Variants in NR1H4 observed in about 807,000 individuals in gnomAD.
NR1H4 encodes nuclear receptor subfamily 1 group H member 4, also known as bile acid receptor.
Under a neutral mutation model 58.5 loss-of-function variants are expected in NR1H4, and 23 were observed. The observed-to-expected ratio is 0.39, with a 90% CI of 0.28 to 0.56. The LOEUF is 0.56. Ranked by LOEUF, NR1H4 falls within the 20% of genes least tolerant of loss-of-function variation. The pLI is 0.58. For synonymous variants in NR1H4, 214 were observed against 198.0 expected (o/e 1.08, Z -0.68); for missense variants, 487 against 576.9 (o/e 0.84, Z 1.60).
chr12:100,499,766 T>C, intron 3 of NR1H4: 2 of 431,080 alleles, frequency 4.6e-6, no homozygotes, highest in South Asian at 3.3e-5. Context: ...AAAATAATTG[T>C]AATGATAACA....
At chr12:100,517,559 T>A (rs1488620417) in intron 4 of NR1H4, among the ~76,000 whole-genome samples, 3 of 152,220 alleles carry the variant, frequency 2.0e-5, no homozygotes, top group African/African-American at 7.2e-5. Context: ...GTGGTGGGAT[T>A]CCTGGATTAT....
At chr12:100,550,939 A>G (rs79244210) in intron 9 of NR1H4, among the ~76,000 whole-genome samples, 5,638 of 152,282 alleles carry the variant, frequency 0.037, 360 homozygotes, top group East Asian at 0.3. Context: ...TATTTATAAA[A>G]TATCCTATTT....
chr12:100,540,667 C>G lies in NR1H4; in HGVS notation c.932-5C>G. 1 of 1,613,898 alleles carries G rather than the reference C, an allele frequency of 6.2e-7. No individual in the cohort carries two copies. The highest frequency in any genetic ancestry group is 2.2e-5 in the East Asian group (1 of 44,874). ...GATACCAATTTGATTATCATCATTA[C>G]CTAGGATTTCAGACTTTGGACCATG... is the stretch of plus-strand genomic sequence containing the variant. On this transcript the variant is annotated splice_polypyrimidine_tract_variant and splice_region_variant and intron_variant, in intron 8 of 10. Transcript: ENST00000392986.
At chr12:100,545,641 C>CAAAAAAAAAAAAAAAA (rs35404680) in intron 9 of NR1H4, among the ~76,000 whole-genome samples, 3 of 7,880 alleles carry the variant, frequency 3.8e-4, no homozygotes, top group African/African-American at 1.6e-3. Flanking sequence ...GACCTTGTCT[C>CAAAAAAAAAAAAAAAA]AAAAAAAAAA....
At chr12:100,554,457 A>G (rs544251185) in intron 9 of NR1H4, among the ~76,000 whole-genome samples, 1 of 152,150 alleles carries the variant, frequency 6.6e-6, no homozygotes, top group Non-Finnish European at 1.5e-5. Context: ...TACGACTAGA[A>G]AGCTAATTAG....
intron 4 of NR1H4, among the ~76,000 whole-genome samples, chr12:100,513,882 A>G (rs2373354): frequency 0.037 from 5,590 of 151,716 alleles, 376 homozygotes; most frequent in East Asian, 0.29. Context: ...AAAATAAAGT[A>G]GTTTCCAAAT....
At chr12:100,511,229 C>T in intron 4 of NR1H4, 86 bp downstream of exon 4, 1 of 1,566,432 alleles carries the variant, frequency 6.4e-7, no homozygotes, top group Non-Finnish European at 8.8e-7. Context: ...TTCCCTTTTC[C>T]CAGGCAACTT....
chr12:100,539,228 T>G (rs1954881767), intron 8 of NR1H4, among the ~76,000 whole-genome samples: 1 of 151,556 alleles, frequency 6.6e-6, no homozygotes, highest in Non-Finnish European at 1.5e-5. Context: ...TGGAAAGAAA[T>G]AAAAGGCAAA....
intron 6 of NR1H4, among the ~76,000 whole-genome samples, chr12:100,535,296 T>C (rs1954790148): frequency 6.6e-6 from 1 of 152,252 alleles, no homozygotes; most frequent in Non-Finnish European, 1.5e-5. Context: ...GTGTATAAAA[T>C]GGATTTTTTC....
At chr12:100,523,242 G>A (rs145264279) in intron 4 of NR1H4, among the ~76,000 whole-genome samples, 389 of 152,130 alleles carry the variant, frequency 2.6e-3, no homozygotes, top group African/African-American at 9.0e-3. Context: ...TTAAAAATGG[G>A]CATTCTTGCA....
chr12:100,525,613 T>C (rs548050253), intron 4 of NR1H4, among the ~76,000 whole-genome samples: 1 of 152,246 alleles, frequency 6.6e-6, no homozygotes, highest in South Asian at 2.1e-4. Context: ...TACAAAGTCT[T>C]TGTATAGTTT....
chr12:100,519,512 G>A (rs1192769019), intron 4 of NR1H4, among the ~76,000 whole-genome samples: 3 of 152,142 alleles, frequency 2.0e-5, no homozygotes, highest in African/African-American at 4.8e-5. Context: ...CTTCCATCAC[G>A]TCTGGCCCTG....
intron 9 of NR1H4, among the ~76,000 whole-genome samples, chr12:100,557,098 C>G (rs1179477175): frequency 6.6e-6 from 1 of 152,044 alleles, no homozygotes; most frequent in Non-Finnish European, 1.5e-5. Context: ...GTCTGTTTTG[C>G]ATTGCTATAA....
chr12:100,503,087 A>G (rs528742213), intron 3 of NR1H4, among the ~76,000 whole-genome samples: 2 of 152,238 alleles, frequency 1.3e-5, no homozygotes, highest in Non-Finnish European at 2.9e-5. Flanking sequence ...CCATTCTGCC[A>G]CCTTTTGATG....
chr12:100,543,947 G>A (rs1954998319), intron 9 of NR1H4, among the ~76,000 whole-genome samples: 1 of 152,062 alleles, frequency 6.6e-6, no homozygotes, highest in Non-Finnish European at 1.5e-5. Flanking sequence ...CTGTGGCGGT[G>A]CTCCCTTTAA....
intron 1 of NR1H4, among the ~76,000 whole-genome samples, chr12:100,482,788 C>G (rs957368629): frequency 7.2e-5 from 11 of 152,126 alleles, no homozygotes; most frequent in Non-Finnish European, 1.5e-4. Flanking sequence ...GTTCCTGGTC[C>G]TGGAAGCCTC....
At chr12:100,556,489 CA>C (rs1313337505) in intron 9 of NR1H4, among the ~76,000 whole-genome samples, 1 of 142,224 alleles carries the variant, frequency 7.0e-6, no homozygotes, top group Non-Finnish European at 1.6e-5. Context: ...AAACAAAAAA[CA>C]AAAAACAACT....
intron 1 of NR1H4, among the ~76,000 whole-genome samples, chr12:100,481,817 G>A (rs1310815773): frequency 2.0e-5 from 3 of 152,152 alleles, no homozygotes; most frequent in Admixed American, 6.5e-5. Flanking sequence ...GGGAGGCTGA[G>A]GCAGGAGAAT....
At chr12:100,491,858 T>C (rs1941422242) in intron 1 of NR1H4, among the ~76,000 whole-genome samples, 3 of 152,076 alleles carry the variant, frequency 2.0e-5, no homozygotes, top group Admixed American at 2.0e-4. Context: ...CGCCCATCTT[T>C]AAAAATTGCC....
Sources: gnomAD v4.1 joint callset for allele counts (sites outside exome capture counted in the v4.1 genomes callset) on GRCh38, gnomAD v4.1.1 for gene constraint, MANE v1.5 for transcripts, NCBI Gene and HGNC (gene_info 2026-07-23, HGNC 2026-07-21) for gene names.